Variants in EPB41L4A observed in about 807,000 individuals in gnomAD.
EPB41L4A encodes band 4.1-like protein 4A.
EPB41L4A carries 100 observed loss-of-function variants against 108.6 expected under a neutral mutation model. That is an observed-to-expected ratio of 0.92 (90% CI 0.78 to 1.09). The LOEUF is 1.09. EPB41L4A is among the 50% of genes least tolerant of loss of function. EPB41L4A has a pLI of 0.00. For synonymous variants in EPB41L4A, 319 were observed against 289.0 expected, an observed-to-expected ratio of 1.10 and a Z score of -1.05; for missense variants, 1,030 against 842.7, an observed-to-expected ratio of 1.22 and a Z score of -2.75.
intron 14 of EPB41L4A, 133 bp downstream of exon 14, chr5:112,205,288 A>T: frequency 2.5e-6 from 2 of 804,788 alleles, no homozygotes; most frequent in East Asian, 2.4e-5. Flanking sequence ...GGTCACATTG[A>T]TTTAGAGTCT....
chr5:112,203,270 C>T (rs1262281959), intron 15 of EPB41L4A, among the ~76,000 whole-genome samples: 1 of 152,052 alleles, frequency 6.6e-6, no homozygotes, highest in Non-Finnish European at 1.5e-5. Context: ...GCAGGAGAAT[C>T]GCTCGAACCC....
intron 2 of EPB41L4A, among the ~76,000 whole-genome samples, chr5:112,304,927 G>T (rs1351910374): frequency 6.6e-6 from 1 of 152,094 alleles, no homozygotes; most frequent in East Asian, 1.9e-4. Context: ...GACTCCCAAG[G>T]CAGCTATCCA....
intron 6 of EPB41L4A, among the ~76,000 whole-genome samples, chr5:112,263,009 C>T (rs1186705836): frequency 1.3e-5 from 2 of 152,158 alleles, no homozygotes; most frequent in African/African-American, 4.8e-5. Context: ...GGGGCTGCCA[C>T]CACCCAACTG....
chr5:112,362,374 A>C (rs890160400), intron 1 of EPB41L4A, among the ~76,000 whole-genome samples: 1 of 147,448 alleles, frequency 6.8e-6, no homozygotes, highest in Non-Finnish European at 1.5e-5. Context: ...TCCAACTCCC[A>C]CATTCGAGCG....
chr5:112,148,215 T>C (rs1759338503), intron 12 of EPB41L4A, among the ~76,000 whole-genome samples: 3 of 146,548 alleles, frequency 2.0e-5, no homozygotes, highest in Admixed American at 6.8e-5. Context: ...TATAATAATA[T>C]AGTTTAGTAG....
At chr5:112,359,332 T>G (rs570773336) in intron 1 of EPB41L4A, among the ~76,000 whole-genome samples, 1 of 152,206 alleles carries the variant, frequency 6.6e-6, no homozygotes, top group Non-Finnish European at 1.5e-5. Flanking sequence ...AAATTTTCAG[T>G]TGAGTGCTTG....
chr5:112,154,857 A>G (rs868424620), intron 12 of EPB41L4A, among the ~76,000 whole-genome samples: 5 of 152,226 alleles, frequency 3.3e-5, no homozygotes, highest in African/African-American at 1.2e-4. Flanking sequence ...GCACACATTA[A>G]GAATGAAAAA....
chr5:112,403,697 G>A (rs1761922966), intron 1 of EPB41L4A, among the ~76,000 whole-genome samples: 1 of 152,100 alleles, frequency 6.6e-6, no homozygotes, highest in African/African-American at 2.4e-5. Context: ...CAAACTCCTG[G>A]GCTTAAATGA....
At chr5:112,181,715 G>A (rs1289899020) in intron 18 of EPB41L4A, among the ~76,000 whole-genome samples, 2 of 152,164 alleles carry the variant, frequency 1.3e-5, no homozygotes, top group African/African-American at 2.4e-5. Context: ...GTATTTTAAA[G>A]GAGTATATAT....
chr5:112,376,938 T>C (rs1759858761), intron 1 of EPB41L4A, among the ~76,000 whole-genome samples: 1 of 152,084 alleles, frequency 6.6e-6, no homozygotes, highest in African/African-American at 2.4e-5. Flanking sequence ...GTGCGGTGGC[T>C]CATTCCTCTA....
chr5:112,195,757 G>T (rs369716835), intron 15 of EPB41L4A, 49 bp from the exon 16 acceptor site: 3 of 1,514,782 alleles, frequency 2.0e-6, no homozygotes, highest in Non-Finnish European at 2.7e-6. Context: ...TTATCAATTG[G>T]CTAAGGAAAG....
At chr5:112,365,800 T>C (rs1196562657) in intron 1 of EPB41L4A, among the ~76,000 whole-genome samples, 1 of 152,196 alleles carries the variant, frequency 6.6e-6, no homozygotes, top group African/African-American at 2.4e-5. Context: ...ACCTTGATGG[T>C]TTTGAGAAGT....
At chr5:112,313,176 T>C (rs1037251850) in intron 1 of EPB41L4A, among the ~76,000 whole-genome samples, 1 of 152,188 alleles carries the variant, frequency 6.6e-6, no homozygotes, top group Admixed American at 6.5e-5. Context: ...CGGGAAGTCT[T>C]TGACCAGCCT....
intron 13 of EPB41L4A, chr5:112,206,863 A>G: frequency 6.6e-6 from 1 of 152,240 alleles, no homozygotes; most frequent in Middle Eastern, 3.2e-3. Flanking sequence ...AAATGGCCAT[A>G]CAGCCCAAAG....
chr5:112,171,772 G>C (rs992501752), intron 18 of EPB41L4A, among the ~76,000 whole-genome samples: 1 of 152,276 alleles, frequency 6.6e-6, no homozygotes, highest in South Asian at 2.1e-4. Context: ...TGTTGACACA[G>C]AATGATTTTT....
chr5:112,405,072 G>A (rs1206822692), intron 1 of EPB41L4A, among the ~76,000 whole-genome samples: 2 of 152,164 alleles, frequency 1.3e-5, no homozygotes, highest in African/African-American at 2.4e-5. Context: ...CGAGTGGTGT[G>A]ACCAAAAAAC....
chr5:112,279,064 C>CAAA (rs60463391), intron 3 of EPB41L4A, among the ~76,000 whole-genome samples: 1,423 of 76,450 alleles, frequency 0.019, 33 homozygotes, highest in Middle Eastern at 0.04. Context: ...GATACCGTCT[C>CAAA]AAAAAAAAAA....
At chr5:112,343,353 G>A (rs1443035162) in intron 1 of EPB41L4A, among the ~76,000 whole-genome samples, 1 of 152,096 alleles carries the variant, frequency 6.6e-6, no homozygotes, top group African/African-American at 2.4e-5. Flanking sequence ...GACTGCCTGG[G>A]TTTGAATTTC....
At chr5:112,248,701 T>C (rs1225522058) in intron 9 of EPB41L4A, among the ~76,000 whole-genome samples, 1 of 152,188 alleles carries the variant, frequency 6.6e-6, no homozygotes, top group Non-Finnish European at 1.5e-5. Flanking sequence ...TGGCTGGCTA[T>C]GTCTCTCTTG....
Sources: gnomAD v4.1 joint callset for allele counts (sites outside exome capture counted in the v4.1 genomes callset) on GRCh38, gnomAD v4.1.1 for gene constraint, MANE v1.5 for transcripts, NCBI Gene and HGNC (gene_info 2026-07-23, HGNC 2026-07-21) for gene names.